AIG1: variants seen among roughly 807,000 people sequenced by gnomAD.
AIG1 encodes androgen-induced gene 1 protein.
AIG1 carries 23 observed loss-of-function variants against 31.4 expected under a neutral mutation model. That is an observed-to-expected ratio of 0.73 (90% CI 0.53 to 1.04). The LOEUF (loss-of-function observed/expected upper bound fraction) is 1.04, where lower values mean the gene tolerates loss of function less well. AIG1 is among the 50% of genes least tolerant of loss of function. The pLI, the probability that AIG1 is intolerant of heterozygous loss-of-function variation, is 0.00. For synonymous variants in AIG1, 100 were observed against 110.5 expected, an observed-to-expected ratio of 0.90 and a Z score of 0.60; for missense variants, 274 against 295.0, an observed-to-expected ratio of 0.93 and a Z score of 0.52.
intron 3 of AIG1, among the ~76,000 whole-genome samples, chr6:143,177,183 C>A (rs936941446): frequency 6.6e-6 from 1 of 152,182 alleles, no homozygotes; most frequent in African/African-American, 2.4e-5. Context: ...AAAAATTTCT[C>A]ATTCAGATTA....
upstream of AIG1, among the ~76,000 whole-genome samples, chr6:143,059,450 A>T (rs11758671): frequency 6.6e-6 from 1 of 151,976 alleles, no homozygotes; most frequent in East Asian, 1.9e-4. Flanking sequence ...TTTTATTTTT[A>T]TTTTTTTGGC....
chr6:143,308,964 A>T (rs898053228), intron 4 of AIG1, among the ~76,000 whole-genome samples: 8 of 152,008 alleles, frequency 5.3e-5, no homozygotes, highest in African/African-American at 1.7e-4. Context: ...TATATTTAAA[A>T]GAAAAACTAC....
intron 3 of AIG1, among the ~76,000 whole-genome samples, chr6:143,250,930 T>C (rs181232917): frequency 2.1e-3 from 325 of 152,312 alleles, no homozygotes; most frequent in African/African-American, 7.3e-3. Context: ...ATTAGACACC[T>C]CTGCTCTAGA....
chr6:143,173,974 G>A (rs1422838295), intron 3 of AIG1, among the ~76,000 whole-genome samples: 2 of 152,170 alleles, frequency 1.3e-5, no homozygotes, highest in Non-Finnish European at 2.9e-5. Flanking sequence ...GTCTAGTGCT[G>A]TCAGTGGAGT....
chr6:143,270,722 C>A (rs1490576401), intron 3 of AIG1, among the ~76,000 whole-genome samples: 2 of 152,280 alleles, frequency 1.3e-5, no homozygotes, highest in African/African-American at 2.4e-5. Flanking sequence ...GCTTTAATTT[C>A]ATTTAATAGG....
chr6:143,231,722 A>G (rs1793461618), intron 3 of AIG1, among the ~76,000 whole-genome samples: 1 of 152,240 alleles, frequency 6.6e-6, no homozygotes, highest in Admixed American at 6.5e-5. Context: ...GATATTTTAC[A>G]TGCTTTATTT....
chr6:143,263,278 T>C (rs1726217311), intron 3 of AIG1, among the ~76,000 whole-genome samples: 3 of 151,750 alleles, frequency 2.0e-5, no homozygotes, highest in Admixed American at 6.6e-5. Context: ...TTTATTTGTT[T>C]TTTTTTTTCT....
intron 2 of AIG1, among the ~76,000 whole-genome samples, chr6:143,149,706 T>C (rs1785031846): frequency 6.6e-6 from 1 of 152,210 alleles, no homozygotes; most frequent in Admixed American, 6.5e-5. Flanking sequence ...AATGGTTTTA[T>C]ACAGTTTTAC....
rs530581996 is a variant in AIG1 at position 143,328,621 on chromosome 6, A to G, written c.516-4661A>G. ...ATTTACTTTTTTTCATCGATGCATT[A>G]TAGATGTACACAGTTTCAAGGTATA... On this transcript the variant is annotated intron_variant, in intron 4 of 5. Transcript: ENST00000357847. The surrounding 1 kb of genome is among the most constrained non-coding windows in gnomAD (Gnocchi z 4.0). Among the ~76,000 whole-genome samples, 13 of 152,326 alleles carry G rather than the reference A, an allele frequency of 8.5e-5. No homozygotes were observed. The highest frequency in any genetic ancestry group is 8.3e-4 in the South Asian group (4 of 4,822).
At chr6:143,294,782 AT>A (rs1358600075) in intron 4 of AIG1, among the ~76,000 whole-genome samples, 2 of 152,044 alleles carry the variant, frequency 1.3e-5, no homozygotes, top group Non-Finnish European at 2.9e-5. Context: ...TGTTCCTCTG[AT>A]TTAGGTGTTG....
At chr6:143,143,249 C>T (rs1469632943) in intron 2 of AIG1, among the ~76,000 whole-genome samples, 1 of 151,288 alleles carries the variant, frequency 6.6e-6, no homozygotes, top group Non-Finnish European at 1.5e-5. Flanking sequence ...CTGGATTCAA[C>T]TTAAAAATAC....
intron 2 of AIG1, among the ~76,000 whole-genome samples, chr6:143,156,304 T>C (rs1785745982): frequency 6.7e-6 from 1 of 149,096 alleles, no homozygotes; most frequent in Admixed American, 6.9e-5. Flanking sequence ...AATCCTACAA[T>C]GGGGTTCTAT....
At position 143,291,074 on chromosome 6, in the gene AIG1, AATAGCT is replaced by A. The variant is rs2128687833; in HGVS notation, c.515+6852_515+6857del. On this transcript the variant is annotated intron_variant, in intron 4 of 5. Transcript: ENST00000357847. This position sits in a 1 kb window ranked among gnomAD's most constrained non-coding sequence, Gnocchi z 4.2. ...GGCTCTAAGAGAATCCCTGGTAAAT[AATAGCT>A]ATGAGGCAGGAATTTAGGAAGCTGA... Among the ~76,000 whole-genome samples the A allele has an allele frequency of 6.6e-6, 1 of 152,226 alleles. No individual in the cohort carries two copies. The highest frequency in any genetic ancestry group is 2.1e-4 in the South Asian group (1 of 4,816).
At chr6:143,110,136 G>A (rs945652664) in intron 1 of AIG1, among the ~76,000 whole-genome samples, 10 of 152,112 alleles carry the variant, frequency 6.6e-5, no homozygotes, top group Admixed American at 2.0e-4. Context: ...GCAGTTGACC[G>A]TTTATGTGTG....
intron 3 of AIG1, among the ~76,000 whole-genome samples, chr6:143,198,951 C>T (rs1002230885): frequency 6.6e-6 from 1 of 152,042 alleles, no homozygotes; most frequent in African/African-American, 2.4e-5. Flanking sequence ...CTTTCCTGTC[C>T]CAATCTTTGA....
At chr6:143,127,322 A>G (rs1395543504) in intron 1 of AIG1, among the ~76,000 whole-genome samples, 2 of 151,972 alleles carry the variant, frequency 1.3e-5, no homozygotes, top group Non-Finnish European at 2.9e-5. Context: ...TCCAGTTTCC[A>G]TTGCTGCCCT....
chr6:143,337,618 A>C (rs1477475305), intron 5 of AIG1, among the ~76,000 whole-genome samples: 1 of 152,224 alleles, frequency 6.6e-6, no homozygotes, highest in East Asian at 1.9e-4. Flanking sequence ...GAGTCTTTTC[A>C]AAACCAAAAG....
downstream of AIG1, chr6:143,342,920 T>C: frequency 2.2e-6 from 2 of 901,974 alleles, no homozygotes; most frequent in Non-Finnish European, 3.8e-6. Context: ...GCAGCAAATA[T>C]GTATGTTTTG....
intron 2 of AIG1, among the ~76,000 whole-genome samples, chr6:143,138,619 C>T (rs949841322): frequency 2.7e-4 from 41 of 152,050 alleles, no homozygotes; most frequent in Middle Eastern, 3.2e-3. Context: ...GTAGGCCAGG[C>T]GCAGTGGCTC....
Sources: allele counts gnomAD v4.1 joint callset (sites outside exome capture counted in the v4.1 genomes callset), GRCh38; gene constraint gnomAD v4.1.1; non-coding constraint Gnocchi (gnomAD v3.1); transcripts MANE v1.5; gene names NCBI Gene and HGNC (gene_info 2026-07-23, HGNC 2026-07-21).